MYO10: variants seen among roughly 807,000 people sequenced by gnomAD.
MYO10 encodes unconventional myosin-X.
In MYO10, 133 loss-of-function variants were observed where a neutral mutation model predicts 257.3. That is an observed-to-expected ratio of 0.52 (90% CI 0.45 to 0.60). The LOEUF (loss-of-function observed/expected upper bound fraction) is 0.60. Among genes scored for constraint, MYO10 ranks in the 20% least tolerant of loss-of-function variants. The pLI is 0.00. For missense variants in MYO10, 2,399 were observed against 2,635.7 expected (o/e 0.91, Z 1.97); for synonymous variants, 1,104 against 1,028.6 (o/e 1.07, Z -1.40).
intron 2 of MYO10, among the ~76,000 whole-genome samples, chr5:16,865,144 T>C (rs1422365838): frequency 6.6e-6 from 1 of 151,634 alleles, no homozygotes; most frequent in Admixed American, 6.6e-5. Flanking sequence ...GATGGAGCAC[T>C]ATTAAAGTTT....
intron 1 of MYO10, among the ~76,000 whole-genome samples, chr5:16,898,142 G>C (rs1473031722): frequency 2.0e-5 from 3 of 151,956 alleles, no homozygotes; most frequent in Non-Finnish European, 2.9e-5. Context: ...CAGCTCACAG[G>C]GCCCCAGGGA....
In MYO10 at chr5:16,676,019, C is replaced by G. The variant is rs372365024; in HGVS notation, c.4666+12G>C. ...TGGTCTCTGAGGAGTCGGGGTGGAG[C>G]TCTGGACTTACAGTTGAGATTTATG... On this transcript the variant is annotated intron_variant, in intron 34 of 40. Transcript: ENST00000513610. The G allele has an allele frequency of 4.4e-6, 7 of 1,604,656 alleles. No homozygotes were observed. In the South Asian group the frequency reaches 5.6e-5, roughly 13 times the overall value.
chr5:16,823,218 G>A (rs965244709), intron 2 of MYO10, among the ~76,000 whole-genome samples: 2 of 150,318 alleles, frequency 1.3e-5, no homozygotes, highest in East Asian at 4.1e-4. Flanking sequence ...GAGGCAGTCA[G>A]CAGATCACTT....
chr5:16,693,851 G>A (rs1232241988), intron 27 of MYO10, among the ~76,000 whole-genome samples: 1 of 152,160 alleles, frequency 6.6e-6, no homozygotes, highest in Non-Finnish European at 1.5e-5. Flanking sequence ...GGCAGAAAAG[G>A]GGGCATGTTG....
chr5:16,706,115 A>C (rs1738320219), intron 21 of MYO10, among the ~76,000 whole-genome samples: 1 of 152,140 alleles, frequency 6.6e-6, no homozygotes, highest in Non-Finnish European at 1.5e-5. Context: ...CCTGGGAGGC[A>C]GAGGTTGCAG....
chr5:16,934,486 G>T (rs1418519431), intron 1 of MYO10, among the ~76,000 whole-genome samples: 4 of 152,250 alleles, frequency 2.6e-5, no homozygotes, highest in African/African-American at 9.6e-5. Flanking sequence ...TGGACAACGT[G>T]CAACTCTTGC....
At chr5:16,849,340 C>G (rs1743732354) in intron 2 of MYO10, among the ~76,000 whole-genome samples, 1 of 152,130 alleles carries the variant, frequency 6.6e-6, no homozygotes, top group African/African-American at 2.4e-5. Context: ...TAGGCATACT[C>G]TTCAAAGTGG....
At chr5:16,898,292 A>G (rs1745270070) in intron 1 of MYO10, among the ~76,000 whole-genome samples, 1 of 152,110 alleles carries the variant, frequency 6.6e-6, no homozygotes, top group African/African-American at 2.4e-5. Flanking sequence ...GATTACTTTT[A>G]ATATTCTGTT....
intron 1 of MYO10, among the ~76,000 whole-genome samples, chr5:16,883,017 G>A (rs975201179): frequency 2.6e-5 from 4 of 151,686 alleles, no homozygotes; most frequent in Admixed American, 2.6e-4. Context: ...CCAGGTTCAC[G>A]CCATTCTCCT....
chr5:16,727,517 G>A (rs1739417037), intron 19 of MYO10, among the ~76,000 whole-genome samples: 2 of 152,108 alleles, frequency 1.3e-5, no homozygotes, highest in African/African-American at 2.4e-5. Flanking sequence ...TGAAATAAAG[G>A]CCCCATGAAG....
At chr5:16,736,594 C>T (rs1341931961) in intron 19 of MYO10, among the ~76,000 whole-genome samples, 3 of 152,154 alleles carry the variant, frequency 2.0e-5, no homozygotes, top group Non-Finnish European at 4.4e-5. Context: ...CGCAAGGTAC[C>T]TCTGATTAAA....
chr5:16,923,663 T>TACACACACACACACAC lies in MYO10; in HGVS notation c.21+12109_21+12124dup, dbSNP rs60949830. Reference sequence around the variant, plus strand: ...AAATAATAAGCCTTAAACACGCCCATACACACACACACACACACACACACA... The same window carrying TACACACACACACACAC: ...AAATAATAAGCCTTAAACACGCCCATACACACACACACACACACACACACACACACACACACACACA... On this transcript the variant is annotated intron_variant, in intron 1 of 40. Coordinates refer to ENST00000513610, the MANE Select transcript of MYO10 (RefSeq NM_012334.3). Among the ~76,000 whole-genome samples, 635 of 140,702 alleles carry TACACACACACACACAC rather than the reference T, an allele frequency of 4.5e-3. 4 individuals are homozygous for TACACACACACACACAC. Among genetic ancestry groups the TACACACACACACACAC allele is most frequent in the African/African-American group, 0.016 (604 of 37,978 alleles). The allele number at this position is 140,702 out of a possible 152,430, so 92.3% of individuals were successfully genotyped here.
chr5:16,689,953 G>A, intron 27 of MYO10, 34 bp from the exon 28 acceptor site: 3 of 1,463,794 alleles, frequency 2.0e-6, no homozygotes, highest in South Asian at 1.1e-5. Context: ...ACGCACATCA[G>A]GAACACCAAA....
At position 16,839,680 on chromosome 5, in the gene MYO10, G is replaced by A. The variant is rs1219259448; in HGVS notation, c.121-21513C>T. On this transcript the variant is annotated intron_variant, in intron 2 of 40. Transcript: ENST00000513610. ...CACCTGAGGCCAGGAAGTCAAGGCT[G>A]CAGTGAGCCGAGATCGCACTACTGC... is the stretch of plus-strand genomic sequence containing the variant. Among the ~76,000 whole-genome samples the A allele has an allele frequency of 2.0e-5, 3 of 152,184 alleles. No individual in the cohort carries two copies. In the East Asian group the frequency reaches 5.8e-4, roughly 29 times the overall value.
At chr5:16,714,497 G>A (rs1166642351) in intron 19 of MYO10, among the ~76,000 whole-genome samples, 1 of 152,180 alleles carries the variant, frequency 6.6e-6, no homozygotes, top group Non-Finnish European at 1.5e-5. Flanking sequence ...GGATCCCCTC[G>A]GTGGCAGCAA....
chr5:16,827,567 G>T (rs34717408), intron 2 of MYO10, among the ~76,000 whole-genome samples: 1 of 152,022 alleles, frequency 6.6e-6, no homozygotes, highest in East Asian at 1.9e-4. Context: ...GATTACAGGC[G>T]TGAGCCACTG....
chr5:16,703,073 G>T lies in MYO10; in HGVS notation c.2362C>A (p.Leu788Met). Residue 788 changes from leucine (L) to methionine (M), a missense_variant, in exon 23 of 41, where the codon CTG becomes ATG. Around this residue, in one of 3 missense-constraint regions of MYO10, gnomAD observed 1,820 missense variants for 1,939.4 expected, o/e 0.94. Transcript: ENST00000513610. ...AFLLRRRFLHLKKAAIVFQKQ... is the reference protein window; with the variant it reads ...AFLLRRRFLHMKKAAIVFQKQ... ...TGGAAAACTATGGCTGCCTTTTTCAGGTGCAAAAATCTCCTCCTCAGAAGG... is the reference window on the plus strand; with the variant it reads ...TGGAAAACTATGGCTGCCTTTTTCATGTGCAAAAATCTCCTCCTCAGAAGG... The T allele has an allele frequency of 6.4e-7, 1 of 1,567,376 alleles. No homozygotes were observed. Among genetic ancestry groups the T allele is most frequent in the Admixed American group, 1.9e-5 (1 of 52,610 alleles).
At chr5:16,849,787 G>C (rs1743746681) in intron 2 of MYO10, among the ~76,000 whole-genome samples, 1 of 152,160 alleles carries the variant, frequency 6.6e-6, no homozygotes, top group Non-Finnish European at 1.5e-5. Flanking sequence ...AATGTATTTT[G>C]TTCTTTCCCA....
In MYO10 at chr5:16,681,919, T is replaced by C. The variant is rs747234522; in HGVS notation, c.4141A>G (p.Arg1381Gly). 1 of 1,613,904 alleles carries C rather than the reference T, an allele frequency of 6.2e-7. No homozygotes were observed. The highest frequency in any genetic ancestry group is 8.5e-7 in the Non-Finnish European group (1 of 1,179,912). Residue 1381 changes from arginine (R) to glycine (G), a missense_variant, in exon 31 of 41, where the codon AGG (arginine) becomes GGG (glycine). By Grantham distance (125) the Arg-to-Gly change is moderately radical. Around this residue, in one of 3 missense-constraint regions of MYO10, gnomAD observed 1,820 missense variants for 1,939.4 expected, o/e 0.94. Transcript: ENST00000513610. ...TCCACTCTGGTGTCCCCTTTGGACC[T>C]CTGCAGCAGGGTTATCCAGTGGTGC... ...EMHHWITLLQRSKGDTRVEGQ... is the reference protein window; with the variant it reads ...EMHHWITLLQGSKGDTRVEGQ...
Sources: allele counts gnomAD v4.1 joint callset (sites outside exome capture counted in the v4.1 genomes callset), GRCh38; gene constraint gnomAD v4.1.1; regional missense constraint gnomAD v4.1.1; transcripts MANE v1.5; gene names NCBI Gene and HGNC (gene_info 2026-07-23, HGNC 2026-07-21).